TDRKH: variants seen among roughly 807,000 people sequenced by gnomAD.
The protein encoded by TDRKH is tudor and KH domain containing.
Under a neutral mutation model 61.3 loss-of-function variants are expected in TDRKH, and 28 were observed. The ratio of observed to expected loss-of-function variants is 0.46; its 90% CI spans 0.34 to 0.63. The LOEUF (loss-of-function observed/expected upper bound fraction) is 0.63. Among genes scored for constraint, TDRKH ranks in the 20% least tolerant of loss-of-function variants. The probability of loss-of-function intolerance (pLI) is 0.01; values close to 1 mark genes in which losing one functional copy is unlikely to be tolerated. For synonymous variants in TDRKH, 219 were observed against 244.4 expected, an observed-to-expected ratio of 0.90 and a Z score of 0.97; for missense variants, 540 against 683.4, an observed-to-expected ratio of 0.79 and a Z score of 2.34.
downstream of TDRKH, chr1:151,766,851 A>G (rs146514551): frequency 3.2e-5 from 52 of 1,612,520 alleles, no homozygotes; most frequent in African/African-American, 4.9e-4. Flanking sequence ...GTACCGGATC[A>G]CTCTCCGGGA....
At chr1:151,779,621 A>G (rs1276458820) in intron 4 of TDRKH, 10 of 372,620 alleles carry the variant, frequency 2.7e-5, no homozygotes, top group Non-Finnish European at 4.3e-5. Context: ...GGGAAAGCAT[A>G]AAAGGTACCC....
downstream of TDRKH, chr1:151,769,245 C>T (rs1283149107): frequency 1.5e-4 from 23 of 151,446 alleles, no homozygotes; most frequent in Middle Eastern, 3.6e-3. Context: ...GCCGGGCAGA[C>T]GCACCCCCCA....
chr1:151,785,530 G>A (rs1261320721), intron 1 of TDRKH, among the ~76,000 whole-genome samples: 1 of 152,186 alleles, frequency 6.6e-6, no homozygotes, highest in Non-Finnish European at 1.5e-5. Context: ...GAGATAATGT[G>A]TTGAGTAGCT....
chr1:151,771,899 C>A (rs994403893), downstream of TDRKH: 5 of 398,540 alleles, frequency 1.3e-5, no homozygotes, highest in East Asian at 7.1e-5. Context: ...TATCAGGGAA[C>A]CTCTAAAGAG....
At chr1:151,789,835 GA>G (rs369005664) in intron 1 of TDRKH, among the ~76,000 whole-genome samples, 22 of 147,420 alleles carry the variant, frequency 1.5e-4, no homozygotes, top group South Asian at 4.3e-4. Flanking sequence ...AAATTCACGA[GA>G]AAAAAAAAAG....
Position 151,776,178 on chromosome 1 carries a change from A to C in TDRKH, c.1135T>G (p.Leu379Val). The C allele has an allele frequency of 6.2e-7, 1 of 1,614,144 alleles. No homozygotes were observed. ...TAGAGGTCCAAGTTCCCATTCTCCA[A>C]GGTGCCGAGGACCCGGGCTCGATAC... Reference protein sequence around the residue: ...SWYRARVLGTLENGNLDLYFV... With the variant: ...SWYRARVLGTVENGNLDLYFV... The change falls in exon 8 of 13, where the codon TTG becomes GTG. Residue 379 changes from leucine to valine, a missense_variant. Transcript: ENST00000368824.
chr1:151,787,047 T>C (rs1650378715), intron 1 of TDRKH, among the ~76,000 whole-genome samples: 1 of 152,228 alleles, frequency 6.6e-6, no homozygotes, highest in South Asian at 2.1e-4. Flanking sequence ...GATGGTATTA[T>C]ATAAGCATCG....
chr1:151,786,996 A>T (rs1020048653), intron 1 of TDRKH, among the ~76,000 whole-genome samples: 31 of 152,278 alleles, frequency 2.0e-4, no homozygotes, highest in African/African-American at 7.0e-4. Flanking sequence ...TCTTTTTTTA[A>T]ATACACTGCA....
chr1:151,779,058 G>A (rs1364291313), intron 5 of TDRKH, 45 bp downstream of exon 5: 4 of 1,612,196 alleles, frequency 2.5e-6, no homozygotes, highest in East Asian at 4.5e-5. Flanking sequence ...AGAGTAAAAG[G>A]ATCTTCTCAT....
chr1:151,775,090 G>C lies in TDRKH; in HGVS notation c.1511C>G (p.Ala504Gly). 6.2e-7 allele frequency: 1 copy of C among 1,614,140 alleles called. No homozygotes were observed. Among genetic ancestry groups the C allele is most frequent in the Non-Finnish European group, 8.5e-7 (1 of 1,180,020 alleles). Residue 504 changes from alanine (A) to glycine (G), a missense_variant, in exon 11 of 13, where the codon GCT becomes GGT. This residue lies in a region of TDRKH where 379 missense variants were observed against 443.8 expected (regional missense o/e 0.85). Transcript: ENST00000368824. ...CATGTCCTTCAACATGTCTGGGACA[G>C]CTCTGTTTTCTTCTATGTCTTCAGG... Reference protein sequence around the residue: ...ELPEDIEENRAVPDMLKDMAT... With the variant: ...ELPEDIEENRGVPDMLKDMAT...
intron 1 of TDRKH, 51 bp from the exon 2 acceptor site, chr1:151,783,100 T>C (rs1308380492): frequency 1.2e-5 from 18 of 1,547,526 alleles, no homozygotes; most frequent in East Asian, 2.4e-5. Flanking sequence ...AATCCTTTTA[T>C]GAATAGCAGA....
downstream of TDRKH, chr1:151,770,498 T>G: frequency 2.2e-6 from 1 of 460,006 alleles, no homozygotes; most frequent in African/African-American, 2.0e-5. Context: ...ACTGGTGAAA[T>G]TACACAGAAT....
downstream of TDRKH, chr1:151,771,231 C>A (rs1321969199): frequency 1.2e-6 from 2 of 1,611,054 alleles, no homozygotes. Flanking sequence ...CATGCTTATT[C>A]CAACGCTTTG....
At chr1:151,775,732 A>T in intron 9 of TDRKH, 88 bp downstream of exon 9, 1 of 1,536,714 alleles carries the variant, frequency 6.5e-7, no homozygotes, top group Non-Finnish European at 8.9e-7. Context: ...GAATTCAAAA[A>T]GCCTGGGAAT....
intron 1 of TDRKH, among the ~76,000 whole-genome samples, chr1:151,788,163 A>T (rs914379482): frequency 6.6e-6 from 1 of 152,252 alleles, no homozygotes; most frequent in Non-Finnish European, 1.5e-5. Flanking sequence ...TCAATGCGAC[A>T]GTTGAAAGTA....
chr1:151,779,916 T>C, intron 4 of TDRKH, 35 bp downstream of exon 4: 1 of 1,571,102 alleles, frequency 6.4e-7, no homozygotes. Context: ...AGGTAAAGAA[T>C]AAAGGAAACA....
chr1:151,785,433 T>C (rs186923843), intron 1 of TDRKH, among the ~76,000 whole-genome samples: 2 of 152,348 alleles, frequency 1.3e-5, no homozygotes, highest in South Asian at 2.1e-4. Flanking sequence ...GCCTTTGCCA[T>C]TGTCCATTCA....
At chr1:151,779,537 A>AT (rs1649541841) in intron 4 of TDRKH, among the ~76,000 whole-genome samples, 1 of 152,208 alleles carries the variant, frequency 6.6e-6, no homozygotes, top group East Asian at 1.9e-4. Context: ...GATATGCTAC[A>AT]TAGTGTGTCA....
At chr1:151,785,886 A>G (rs564903347) in intron 1 of TDRKH, among the ~76,000 whole-genome samples, 28 of 152,364 alleles carry the variant, frequency 1.8e-4, no homozygotes, top group African/African-American at 6.5e-4. Flanking sequence ...TGAAAACTAA[A>G]TATCTGTATT....
Sources: gnomAD v4.1 joint callset for allele counts (sites outside exome capture counted in the v4.1 genomes callset) on GRCh38, gnomAD v4.1.1 for gene constraint, gnomAD v4.1.1 regional missense constraint, MANE v1.5 for transcripts, NCBI Gene and HGNC (gene_info 2026-07-23, HGNC 2026-07-21) for gene names.